KCNT1: variants seen among roughly 807,000 people sequenced by gnomAD.
The protein encoded by KCNT1 is potassium sodium-activated channel subfamily T member 1.
In KCNT1, 78 loss-of-function variants were observed where a neutral mutation model predicts 147.8. The observed-to-expected ratio is 0.53, with a 90% CI of 0.44 to 0.64. The LOEUF (loss-of-function observed/expected upper bound fraction) is 0.64. Among genes scored for constraint, KCNT1 ranks in the 30% least tolerant of loss-of-function variants. The pLI, the probability that KCNT1 is intolerant of heterozygous loss-of-function variation, is 0.00. For missense variants in KCNT1, 1,419 were observed against 1,750.3 expected (o/e 0.81, Z 3.38); for synonymous variants, 867 against 748.8 (o/e 1.16, Z -2.58).
intron 2 of KCNT1, among the ~76,000 whole-genome samples, chr9:135,722,894 G>T (rs1835980658): frequency 6.6e-6 from 1 of 152,210 alleles, no homozygotes; most frequent in African/African-American, 2.4e-5. Flanking sequence ...GAATCTGGGG[G>T]TGCAATTCAG....
chr9:135,736,322 T>C (rs1465943948), intron 2 of KCNT1, among the ~76,000 whole-genome samples: 1 of 151,864 alleles, frequency 6.6e-6, no homozygotes, highest in African/African-American at 2.4e-5. Context: ...CCGCCCGGGG[T>C]GGGCGCCCAG....
intron 1 of KCNT1, chr9:135,703,126 C>G (rs1168220728): frequency 6.5e-6 from 1 of 152,696 alleles, no homozygotes; most frequent in African/African-American, 2.4e-5. Context: ...TCCTCTCCCC[C>G]ATCCCTCAGC....
intron 1 of KCNT1, among the ~76,000 whole-genome samples, chr9:135,703,673 G>C (rs184987255): frequency 6.6e-6 from 1 of 152,192 alleles, no homozygotes; most frequent in African/African-American, 2.4e-5. Context: ...TTGTGGGCTG[G>C]CCGGCCCCTA....
intron 19 of KCNT1, among the ~76,000 whole-genome samples, chr9:135,775,101 G>A (rs578154303): frequency 1.2e-4 from 19 of 152,304 alleles, no homozygotes; most frequent in African/African-American, 4.1e-4. Flanking sequence ...CCTATGACAC[G>A]GTGACCACAG....
intron 11 of KCNT1, among the ~76,000 whole-genome samples, chr9:135,764,658 A>G (rs1012694743): frequency 1.3e-5 from 2 of 152,270 alleles, no homozygotes; most frequent in African/African-American, 4.8e-5. Context: ...GGCTCCTGAC[A>G]GTGAGGCCTG....
chr9:135,712,452 C>A (rs533953713), intron 1 of KCNT1, among the ~76,000 whole-genome samples: 1 of 152,244 alleles, frequency 6.6e-6, no homozygotes, highest in South Asian at 2.1e-4. Flanking sequence ...GTGCAGAATT[C>A]GAGGTGGGCC....
Position 135,784,562 on chromosome 9 carries a change from A to G in KCNT1, c.2971A>G (p.Ile991Val), listed in dbSNP as rs757503542. Residue 991 changes from isoleucine (I) to valine (V), a missense_variant, in exon 26 of 31, where the codon ATC becomes GTC. Coordinates refer to ENST00000371757, the MANE Select transcript of KCNT1 (RefSeq NM_020822.3). ...QSFVKDYMIT[I>V]TRLLLGLDTT... ...CTTCGTGAAGGACTACATGATCACC[A>G]TCACCCGGCTGCTGCTGGGCCTGGA... 1 of 1,418,194 alleles carries G rather than the reference A, an allele frequency of 7.1e-7. No homozygotes were observed. The highest frequency in any genetic ancestry group is 9.4e-7 in the Non-Finnish European group (1 of 1,064,676). The allele number at this position is 1,418,194 out of a possible 1,614,324, so 87.9% of individuals were successfully genotyped here.
Position 135,775,312 on chromosome 9 carries a change from A to G in KCNT1, c.2246A>G (p.Tyr749Cys). ...AGGGCTCCTGTCTCCTGCCCCAGGT[A>G]TGTGAAGGGCTACCCTCCCAACTCG... ...SDDEGLSVVE[Y>C]VKGYPPNSPY... The change falls in exon 20 of 31, where the codon TAT becomes TGT. Residue 749 changes from tyrosine (Y) to cysteine (C), a missense_variant and splice_region_variant. By Grantham distance (194) the Tyr-to-Cys change is radical. This residue lies in a region of KCNT1 where 284 missense variants were observed against 292.8 expected (regional missense o/e 0.97). Coordinates refer to ENST00000371757, the MANE Select transcript of KCNT1 (RefSeq NM_020822.3). The G allele has an allele frequency of 1.9e-6, 3 of 1,604,144 alleles. No homozygotes were observed. The highest frequency in any genetic ancestry group is 2.6e-6 in the Non-Finnish European group (3 of 1,174,922).
At position 135,786,186 on chromosome 9, in the gene KCNT1, G is replaced by GC; in HGVS notation, c.3178-8dup. The GC allele has an allele frequency of 6.2e-7, 1 of 1,604,218 alleles. No homozygotes were observed. Among genetic ancestry groups the GC allele is most frequent in the Non-Finnish European group, 8.5e-7 (1 of 1,176,174 alleles). Reference sequence around the variant, plus strand: ...ACCCCTCCCCGCCCTGCCCTGCCCTGCCCTGCCCAGTCCCAGATCTCGGTG... The same window carrying GC: ...ACCCCTCCCCGCCCTGCCCTGCCCTGCCCCTGCCCAGTCCCAGATCTCGGTG... On this transcript the variant is annotated splice_polypyrimidine_tract_variant and intron_variant, in intron 28 of 30. Transcript: ENST00000371757.
At chr9:135,741,417 CA>C (rs1830562275) in intron 2 of KCNT1, among the ~76,000 whole-genome samples, 1 of 152,230 alleles carries the variant, frequency 6.6e-6, no homozygotes, top group Non-Finnish European at 1.5e-5. Context: ...CAGCCTCTGA[CA>C]CGGCTGTTGC....
chr9:135,708,282 A>G (rs1370524733), intron 1 of KCNT1, among the ~76,000 whole-genome samples: 1 of 152,250 alleles, frequency 6.6e-6, no homozygotes, highest in African/African-American at 2.4e-5. Context: ...GTATGCATAC[A>G]TGCACATTGT....
intron 16 of KCNT1, 57 bp from the exon 17 acceptor site, chr9:135,770,241 G>T: frequency 6.5e-7 from 1 of 1,544,490 alleles, no homozygotes; most frequent in South Asian, 1.2e-5. Context: ...CCCAGCCGGG[G>T]AGAAGGGGCA....
intron 18 of KCNT1, 83 bp from the exon 19 acceptor site, chr9:135,772,628 GCTGA>G (rs1264569580): frequency 1.3e-5 from 13 of 1,010,050 alleles, no homozygotes; most frequent in African/African-American, 1.7e-5. Flanking sequence ...GGTCTCCAGA[GCTGA>G]CTGTGTTCAC....
rs1002937858 is a variant in KCNT1 at position 135,765,340 on chromosome 9, G to A, written c.1200+145G>A. On this transcript the variant is annotated intron_variant, in intron 12 of 30. Transcript: ENST00000371757. ...TGAGGGCAGATGCCTCCCTCCCGGCGCCCAGAGACGCCATCCTCTCCCCAG... is the reference window on the plus strand; with the variant it reads ...TGAGGGCAGATGCCTCCCTCCCGGCACCCAGAGACGCCATCCTCTCCCCAG... 6.8e-5 allele frequency: 50 copies of A among 733,038 alleles called. No individual in the cohort carries two copies. In the African/African-American group the frequency reaches 8.0e-4, roughly 12 times the overall value. 45.4% of individuals were successfully genotyped at this position (733,038 alleles called of 1,614,324 possible).
intron 2 of KCNT1, among the ~76,000 whole-genome samples, chr9:135,731,426 C>T (rs1252479890): frequency 6.6e-6 from 1 of 152,202 alleles, no homozygotes; most frequent in Non-Finnish European, 1.5e-5. Flanking sequence ...GTGTAATTCT[C>T]TAACGCTCTG....
intron 7 of KCNT1, 35 bp downstream of exon 7, chr9:135,756,967 GTCCCCACCCTCCCCACCCTCCCCA>G: frequency 8.1e-7 from 1 of 1,239,696 alleles, no homozygotes; most frequent in Non-Finnish European, 1.2e-6. Flanking sequence ...CTCACAGGGG[GTCCCCACCCTCCCCACCCTCCCCA>G]GCCTCCCCCA....
chr9:135,740,368 T>G (rs1377825368), intron 2 of KCNT1, among the ~76,000 whole-genome samples: 1 of 152,188 alleles, frequency 6.6e-6, no homozygotes, highest in Non-Finnish European at 1.5e-5. Flanking sequence ...GAACCCCCTC[T>G]TCCCCAAAGC....
intron 2 of KCNT1, among the ~76,000 whole-genome samples, chr9:135,717,537 C>T (rs1378084441): frequency 6.6e-6 from 1 of 152,116 alleles, no homozygotes; most frequent in Non-Finnish European, 1.5e-5. Context: ...GCTGGCTGGG[C>T]ACAGTACAGG....
intron 2 of KCNT1, among the ~76,000 whole-genome samples, chr9:135,726,323 T>C (rs1339203597): frequency 6.6e-5 from 10 of 152,046 alleles, no homozygotes; most frequent in African/African-American, 2.2e-4. Flanking sequence ...TCCCTGGGTC[T>C]CGGATCCCTT....
Sources: allele counts gnomAD v4.1 joint callset (sites outside exome capture counted in the v4.1 genomes callset), GRCh38; gene constraint gnomAD v4.1.1; regional missense constraint gnomAD v4.1.1; transcripts MANE v1.5; gene names NCBI Gene and HGNC (gene_info 2026-07-23, HGNC 2026-07-21).